The following ZNF713 variants were observed in gnomAD, a reference collection of about 807,000 sequenced individuals.
ZNF713 encodes the protein zinc finger protein 713.
ZNF713 carries 21 observed loss-of-function variants against 28.7 expected under a neutral mutation model. The ratio of observed to expected loss-of-function variants is 0.73; its 90% confidence interval spans 0.52 to 1.05. The LOEUF (loss-of-function observed/expected upper bound fraction) is 1.05, where lower values mean the gene tolerates loss of function less well. Among genes scored for constraint, ZNF713 ranks in the 50% least tolerant of loss-of-function variants. The pLI is 0.00. For missense variants in ZNF713, 458 were observed against 532.4 expected (o/e 0.86, Z 1.37); for synonymous variants, 167 against 178.0 (o/e 0.94, Z 0.49).
intron 6 of ZNF713, among the ~76,000 whole-genome samples, chr7:55,933,630 T>C (rs1465618547): frequency 6.6e-6 from 1 of 152,034 alleles, no homozygotes; most frequent in East Asian, 1.9e-4. Flanking sequence ...AATTTACTTA[T>C]TTGAATGTAC....
chr7:55,936,197 G>A (rs1423387898), intron 6 of ZNF713, among the ~76,000 whole-genome samples: 2 of 149,540 alleles, frequency 1.3e-5, no homozygotes, highest in Admixed American at 6.7e-5. Context: ...CCCAGGAGGC[G>A]GAGGTTGCAG....
chr7:55,900,488 A>G (rs1785556259), intron 1 of ZNF713, among the ~76,000 whole-genome samples: 1 of 152,136 alleles, frequency 6.6e-6, no homozygotes, highest in Non-Finnish European at 1.5e-5. Flanking sequence ...AATGTGGTAT[A>G]TATACACAAT....
chr7:55,916,769 A>C (rs188510027), intron 4 of ZNF713, among the ~76,000 whole-genome samples: 19 of 152,354 alleles, frequency 1.2e-4, no homozygotes, highest in African/African-American at 4.1e-4. Context: ...CTCATACTTC[A>C]CATCAGAATA....
chr7:55,889,648 CT>C (rs1446564032), intron 1 of ZNF713, among the ~76,000 whole-genome samples: 1 of 152,092 alleles, frequency 6.6e-6, no homozygotes, highest in Non-Finnish European at 1.5e-5. Context: ...CCTTTATGAT[CT>C]TGATATTGCA....
chr7:55,892,498 G>A (rs1258326141), intron 1 of ZNF713, among the ~76,000 whole-genome samples: 1 of 132,288 alleles, frequency 7.6e-6, no homozygotes, highest in African/African-American at 2.9e-5. Flanking sequence ...AAGTTTATTT[G>A]GTAATAGTTT....
At chr7:55,926,958 A>G (rs1211794427) in intron 6 of ZNF713, among the ~76,000 whole-genome samples, 1 of 152,156 alleles carries the variant, frequency 6.6e-6, no homozygotes, top group Admixed American at 6.5e-5. Flanking sequence ...GTTCACCAAC[A>G]TGGTGAAACT....
chr7:55,887,535 C>T lies in ZNF713; in HGVS notation c.-728C>T, dbSNP rs1221085582. ...CGGTGGCTGGACCGGCCCCAGGAGC[C>T]CAGTCACCGGGCGTCATTGGCTCAG... On this transcript the variant is annotated 5_prime_UTR_variant, in exon 1 of 7. Transcript: ENST00000429591. 5.9e-6 allele frequency: 1 copy of T among 169,162 alleles called. No homozygotes were observed. Among genetic ancestry groups the T allele is most frequent in the Non-Finnish European group, 1.2e-5 (1 of 80,354 alleles). The allele number at this position is 169,162 out of a possible 1,614,324, so 10.5% of individuals were successfully genotyped here.
chr7:55,897,694 CA>C (rs1238010810), intron 1 of ZNF713, among the ~76,000 whole-genome samples: 2 of 152,060 alleles, frequency 1.3e-5, no homozygotes, highest in African/African-American at 4.8e-5. Context: ...CCACCTTGAC[CA>C]AGTGATAATG....
intron 1 of ZNF713, among the ~76,000 whole-genome samples, chr7:55,899,167 T>C (rs944711427): frequency 1.3e-5 from 2 of 148,812 alleles, no homozygotes; most frequent in South Asian, 4.3e-4. Flanking sequence ...TCCTGGCTAA[T>C]ACGGTGAAAC....
chr7:55,906,808 G>A (rs1052360867), intron 2 of ZNF713, among the ~76,000 whole-genome samples: 4 of 152,136 alleles, frequency 2.6e-5, no homozygotes, highest in African/African-American at 7.2e-5. Flanking sequence ...CATGGTGGTC[G>A]TAAGCAGCAG....
At chr7:55,890,406 C>T (rs1407923717) in intron 1 of ZNF713, among the ~76,000 whole-genome samples, 1 of 147,880 alleles carries the variant, frequency 6.8e-6, no homozygotes, top group Admixed American at 6.9e-5. Flanking sequence ...GCCGAGATCA[C>T]GCCATTGCAC....
intron 6 of ZNF713, chr7:55,924,090 C>G (rs1393952028): frequency 6.5e-6 from 1 of 153,890 alleles, no homozygotes; most frequent in Non-Finnish European, 1.4e-5. Flanking sequence ...TTTTAAAAAG[C>G]TTTCTTTTCC....
Position 55,940,633 on chromosome 7 carries a change from C to A in ZNF713, c.*627C>A. 1 of 863,032 alleles carries A rather than the reference C, an allele frequency of 1.2e-6. No individual in the cohort carries two copies. Among genetic ancestry groups the A allele is most frequent in the African/African-American group, 1.8e-5 (1 of 54,496 alleles). The allele number at this position is 863,032 out of a possible 1,614,324, so 53.5% of individuals were successfully genotyped here. Reference sequence around the variant, plus strand: ...GTGCACACCTGCAATCCCAGCTACTCTGGAGACTGAGGCATGAGAATGACT... The same window carrying A: ...GTGCACACCTGCAATCCCAGCTACTATGGAGACTGAGGCATGAGAATGACT... On this transcript the variant is annotated 3_prime_UTR_variant, in exon 7 of 7. Transcript: ENST00000429591.
Position 55,939,373 on chromosome 7 carries a change from T to A in ZNF713, c.699T>A (p.Thr233=). 6.2e-7 allele frequency: 1 copy of A among 1,613,862 alleles called. No homozygotes were observed. The highest frequency in any genetic ancestry group is 8.5e-7 in the Non-Finnish European group (1 of 1,180,004). Residue 233 remains threonine, a synonymous_variant, in exon 7 of 7, where the codon ACT becomes ACA. Transcript: ENST00000429591. ...ATCAGGGAAATTATGTAAGAGAGAC[T>A]CCCTATGAATATAGTGAGTGTGGAA... ...IYYQGNYVRE[T]PYEYSECGKI...
At chr7:55,911,054 C>T (rs997001486) in intron 2 of ZNF713, among the ~76,000 whole-genome samples, 1 of 152,196 alleles carries the variant, frequency 6.6e-6, no homozygotes, top group Non-Finnish European at 1.5e-5. Context: ...AAAGGTCTGA[C>T]TGTTAATGAA....
intron 1 of ZNF713, among the ~76,000 whole-genome samples, chr7:55,900,386 C>G (rs191686160): frequency 1.3e-5 from 2 of 151,598 alleles, no homozygotes; most frequent in South Asian, 2.1e-4. Flanking sequence ...GAGAAGTGCT[C>G]GAACCCGGGA....
intron 6 of ZNF713, among the ~76,000 whole-genome samples, chr7:55,927,913 A>AAAAAAAAAAAAAAAAT (rs1562746751): frequency 6.7e-6 from 1 of 149,714 alleles, no homozygotes; most frequent in African/African-American, 2.5e-5. Context: ...AAAAAAAAAA[A>AAAAAAAAAAAAAAAAT]AAAAAAAGCC....
intron 4 of ZNF713, among the ~76,000 whole-genome samples, chr7:55,919,913 G>A (rs931708398): frequency 3.3e-5 from 5 of 151,726 alleles, no homozygotes; most frequent in East Asian, 3.9e-4. Flanking sequence ...TGTACAGAAC[G>A]TGCAAGTTTG....
chr7:55,923,518 A>C, intron 5 of ZNF713, 89 bp from the exon 6 acceptor site: 1 of 1,243,602 alleles, frequency 8.0e-7, no homozygotes, highest in Non-Finnish European at 1.1e-6. Flanking sequence ...TCCCCTCCAG[A>C]GGCTCTAAAG....
Sources: gnomAD v4.1 joint callset for allele counts (sites outside exome capture counted in the v4.1 genomes callset) on GRCh38, gnomAD v4.1.1 for gene constraint, MANE v1.5 for transcripts, NCBI Gene and HGNC (gene_info 2026-07-23, HGNC 2026-07-21) for gene names.